COMMD1: variants seen among roughly 807,000 people sequenced by gnomAD.
The protein encoded by COMMD1 is copper metabolism domain containing 1, also known as COMM domain-containing protein 1.
Under a neutral mutation model 17.2 loss-of-function variants are expected in COMMD1, and 10 were observed. That is an observed-to-expected ratio of 0.58 (90% CI 0.36 to 0.99). COMMD1 has a LOEUF of 0.99. COMMD1 is among the 50% of genes least tolerant of loss of function. The probability of loss-of-function intolerance (pLI) is 0.01; values close to 1 mark genes in which losing one functional copy is unlikely to be tolerated. For missense variants in COMMD1, 270 were observed against 231.8 expected, an observed-to-expected ratio of 1.17 and a Z score of -1.07; for synonymous variants, 97 against 91.6, an observed-to-expected ratio of 1.06 and a Z score of -0.34.
chr2:62,009,519 C>T (rs1231873328), intron 2 of COMMD1, among the ~76,000 whole-genome samples: 1 of 150,838 alleles, frequency 6.6e-6, no homozygotes, highest in East Asian at 2.0e-4. Context: ...GTAGGAGAAT[C>T]GCTTGAACTG....
intron 2 of COMMD1, among the ~76,000 whole-genome samples, chr2:62,113,210 G>T (rs774805362): frequency 6.6e-6 from 1 of 151,820 alleles, no homozygotes; most frequent in Admixed American, 6.6e-5. Flanking sequence ...AAATTAGCTG[G>T]ATGTCGTGGT....
chr2:62,009,448 T>C (rs1019622868), intron 2 of COMMD1, among the ~76,000 whole-genome samples: 1 of 151,600 alleles, frequency 6.6e-6, no homozygotes, highest in Non-Finnish European at 1.5e-5. Context: ...CTACTGAAAA[T>C]ACAAAAGTTT....
At chr2:61,931,474 G>C (rs373259559) in intron 1 of COMMD1, among the ~76,000 whole-genome samples, 1 of 152,172 alleles carries the variant, frequency 6.6e-6, no homozygotes, top group Non-Finnish European at 1.5e-5. Flanking sequence ...AGTGGCAGCC[G>C]CCAAAGTTGG....
intron 1 of COMMD1, among the ~76,000 whole-genome samples, chr2:61,889,631 G>A (rs1346266421): frequency 6.6e-6 from 1 of 152,076 alleles, no homozygotes; most frequent in Non-Finnish European, 1.5e-5. Flanking sequence ...TGCATTTTAT[G>A]CAGTTTTGTT....
At chr2:61,906,420 A>G (rs1370904828) in intron 1 of COMMD1, among the ~76,000 whole-genome samples, 3 of 152,264 alleles carry the variant, frequency 2.0e-5, no homozygotes, top group Non-Finnish European at 4.4e-5. Context: ...TATTTAATCC[A>G]GAATAGCCAA....
At chr2:61,899,596 T>G (rs1177063076) in intron 1 of COMMD1, among the ~76,000 whole-genome samples, 1 of 152,150 alleles carries the variant, frequency 6.6e-6, no homozygotes, top group Non-Finnish European at 1.5e-5. Context: ...AGGGCAGAGG[T>G]AAAATTTTGC....
intron 2 of COMMD1, among the ~76,000 whole-genome samples, chr2:62,110,401 C>T (rs1195810004): frequency 6.6e-6 from 1 of 152,180 alleles, no homozygotes; most frequent in African/African-American, 2.4e-5. Flanking sequence ...AAAGCTGAAT[C>T]CCCATTGTCT....
chr2:62,098,084 T>G (rs1479749255), intron 2 of COMMD1, among the ~76,000 whole-genome samples: 3 of 152,100 alleles, frequency 2.0e-5, no homozygotes, highest in African/African-American at 4.8e-5. Flanking sequence ...ATGGGACCCT[T>G]GCAAACTCCC....
chr2:62,034,459 C>T (rs1573096505), intron 2 of COMMD1, among the ~76,000 whole-genome samples: 1 of 152,016 alleles, frequency 6.6e-6, no homozygotes, highest in African/African-American at 2.4e-5. Context: ...GTGCCACTGC[C>T]CTCCAGCCTG....
In COMMD1 at chr2:62,098,649, C is replaced by T. The variant is rs968766374; in HGVS notation, c.463-37182C>T. ...TTTCAAACCTGATATAAAAGTCAGG[C>T]ACAATTTTGTTTGGGCGTATTTTAC... On this transcript the variant is annotated intron_variant, in intron 2 of 2. Transcript: ENST00000311832. 8.5e-5 allele frequency among the ~76,000 whole-genome samples: 13 copies of T among 152,298 alleles called. 1 individual carries two copies. In the South Asian group the frequency reaches 2.7e-3, roughly 32 times the overall value.
chr2:62,082,249 A>G (rs1671543739), intron 2 of COMMD1, among the ~76,000 whole-genome samples: 2 of 152,238 alleles, frequency 1.3e-5, no homozygotes, highest in African/African-American at 4.8e-5. Flanking sequence ...TTCCAGTTCT[A>G]AATGCATACA....
chr2:61,991,482 T>C (rs1344155615), intron 1 of COMMD1, among the ~76,000 whole-genome samples: 1 of 152,228 alleles, frequency 6.6e-6, no homozygotes. Flanking sequence ...TCTCAAAGTT[T>C]AGACTCTGTT....
chr2:61,888,543 G>A (rs772370596), upstream of COMMD1: 2 of 1,599,638 alleles, frequency 1.3e-6, no homozygotes, highest in Non-Finnish European at 1.7e-6. Flanking sequence ...GCTCGGGAAG[G>A]ACGGATGGAC....
chr2:62,110,271 A>G (rs1672422429), intron 2 of COMMD1, among the ~76,000 whole-genome samples: 2 of 151,890 alleles, frequency 1.3e-5, no homozygotes, highest in Non-Finnish European at 2.9e-5. Context: ...GTGTCTCACT[A>G]TATTGCCCAG....
chr2:61,912,733 C>CA (rs149353922), intron 1 of COMMD1, among the ~76,000 whole-genome samples: 855 of 70,132 alleles, frequency 0.012, 1 homozygote, highest in African/African-American at 0.022. Flanking sequence ...GACTCCATCT[C>CA]AAAAAAAAAA....
At chr2:61,911,765 T>C (rs1245874468) in intron 1 of COMMD1, among the ~76,000 whole-genome samples, 4 of 152,182 alleles carry the variant, frequency 2.6e-5, no homozygotes, top group African/African-American at 9.7e-5. Context: ...CTCTTTACTC[T>C]CCTGCTCTCA....
intron 1 of COMMD1, among the ~76,000 whole-genome samples, chr2:61,987,811 A>G (rs2103770654): frequency 6.6e-6 from 1 of 152,302 alleles, no homozygotes; most frequent in South Asian, 2.1e-4. Flanking sequence ...TCTGGGAGCC[A>G]GGGCCTGGTT....
chr2:62,133,161 G>A (rs1189776859), intron 2 of COMMD1, among the ~76,000 whole-genome samples: 1 of 152,214 alleles, frequency 6.6e-6, no homozygotes, highest in African/African-American at 2.4e-5. Flanking sequence ...AAGGAAAGCT[G>A]CCTTCCCTGT....
chr2:62,088,887 T>A (rs747129231), intron 2 of COMMD1, among the ~76,000 whole-genome samples: 81 of 152,168 alleles, frequency 5.3e-4, no homozygotes, highest in Non-Finnish European at 1.0e-3. Flanking sequence ...CTTAATCAAA[T>A]ACATTTAAGA....
Sources: allele counts gnomAD v4.1 joint callset (sites outside exome capture counted in the v4.1 genomes callset), GRCh38; gene constraint gnomAD v4.1.1; transcripts MANE v1.5; gene names NCBI Gene and HGNC (gene_info 2026-07-23, HGNC 2026-07-21).